Variants in ZNF385C observed in about 807,000 individuals in gnomAD.
ZNF385C encodes the protein zinc finger protein 385C.
Under a neutral mutation model 35.4 loss-of-function variants are expected in ZNF385C, and 28 were observed. The observed-to-expected ratio is 0.79, with a 90% CI of 0.59 to 1.08. ZNF385C has a LOEUF of 1.08. ZNF385C is among the 50% of genes least tolerant of loss of function. The pLI is 0.00. For synonymous variants in ZNF385C, 248 were observed against 248.2 expected (o/e 1.00, Z 0.01); for missense variants, 605 against 595.6 (o/e 1.02, Z -0.16).
chr17:42,049,368 C>T (rs1555656903), intron 2 of ZNF385C, among the ~76,000 whole-genome samples: 1 of 152,042 alleles, frequency 6.6e-6, no homozygotes, highest in Non-Finnish European at 1.5e-5. Context: ...TCTCTCCACC[C>T]CCCTTCTCAT....
At chr17:42,069,276 T>C (rs1555658620) in intron 1 of ZNF385C, among the ~76,000 whole-genome samples, 1 of 147,816 alleles carries the variant, frequency 6.8e-6, no homozygotes, top group African/African-American at 2.5e-5. Flanking sequence ...GGGGGGTGGG[T>C]TGGGGGGAGC....
intron 1 of ZNF385C, among the ~76,000 whole-genome samples, chr17:42,071,156 C>G (rs2053618886): frequency 6.6e-6 from 1 of 151,506 alleles, no homozygotes; most frequent in Non-Finnish European, 1.5e-5. Flanking sequence ...AACAGCTGCT[C>G]CAGGTGCCAG....
chr17:42,068,596 C>T (rs1449103852), intron 1 of ZNF385C, among the ~76,000 whole-genome samples: 6 of 152,172 alleles, frequency 3.9e-5, no homozygotes, highest in African/African-American at 7.2e-5. Flanking sequence ...ATCAAGTGAA[C>T]CTCCTGCCCC....
chr17:42,028,890 A>G lies in ZNF385C; in HGVS notation c.860T>C (p.Val287Ala), dbSNP rs782163809. The change falls in exon 6 of 9, where the codon GTG becomes GCG. Residue 287 changes from valine to alanine, a missense_variant. Physicochemically the swap from Val to Ala is moderately conservative, Grantham distance 64. Transcript: ENST00000692273. The part of the protein sequence containing the change: ...APGPEPAAAA[V>A]GSSMSGEGRS... ...GCCTTCCCCACTCATGCTGCTTCCC[A>G]CGGCAGCTGCCGCTGGCTCAGGCCC... The G allele has an allele frequency of 5.3e-5, 82 of 1,550,380 alleles. No individual in the cohort carries two copies. Among genetic ancestry groups the G allele is most frequent in the Non-Finnish European group, 7.1e-5 (81 of 1,146,990 alleles).
At chr17:42,087,480 CTGCT>C (rs1598206176) in intron 1 of ZNF385C, among the ~76,000 whole-genome samples, 1 of 152,240 alleles carries the variant, frequency 6.6e-6, no homozygotes, top group East Asian at 1.9e-4. Context: ...TTGCTCATTT[CTGCT>C]TACCAGGATA....
chr17:42,031,165 A>T (rs2052719867), intron 5 of ZNF385C, among the ~76,000 whole-genome samples: 1 of 152,028 alleles, frequency 6.6e-6, no homozygotes, highest in African/African-American at 2.4e-5. Context: ...CAGCCTCCTG[A>T]GTAGCTGGGA....
intron 1 of ZNF385C, among the ~76,000 whole-genome samples, chr17:42,090,349 C>G (rs1259459306): frequency 7.3e-6 from 1 of 136,852 alleles, no homozygotes; most frequent in Non-Finnish European, 1.5e-5. Flanking sequence ...TGCAATTGCG[C>G]GATCTCGGCT....
intron 2 of ZNF385C, among the ~76,000 whole-genome samples, chr17:42,041,645 C>T (rs530517760): frequency 3.3e-5 from 5 of 152,236 alleles, no homozygotes; most frequent in South Asian, 2.1e-4. Context: ...TGGGGGTCTC[C>T]CTCCACTGTC....
chr17:42,088,551 T>C (rs1338878560), intron 1 of ZNF385C, among the ~76,000 whole-genome samples: 1 of 152,228 alleles, frequency 6.6e-6, no homozygotes, highest in Admixed American at 6.5e-5. Flanking sequence ...CCCAGGGCCA[T>C]TCCCATCCCT....
At chr17:42,065,108 T>G (rs1198655831) in intron 1 of ZNF385C, 1 of 152,192 alleles carries the variant, frequency 6.6e-6, no homozygotes, top group Admixed American at 6.5e-5. Flanking sequence ...CACCTCAGCC[T>G]CCCAAAGCGC....
At chr17:42,065,475 A>T (rs776648422) in intron 1 of ZNF385C, 1 of 152,246 alleles carries the variant, frequency 6.6e-6, no homozygotes, top group African/African-American at 2.4e-5. Context: ...TACATCCAAC[A>T]GTGGAGCCCG....
intron 2 of ZNF385C, among the ~76,000 whole-genome samples, chr17:42,054,479 C>T (rs1483633956): frequency 2.0e-5 from 3 of 152,136 alleles, no homozygotes; most frequent in Non-Finnish European, 4.4e-5. Flanking sequence ...GAGCAGGGAT[C>T]CAGGTGTCTT....
rs562101129 is a variant in ZNF385C at position 42,027,184 on chromosome 17, C to T, written c.1276-51G>A. ...ACAGTCTCCACCCCAGAAAACCCCA[C>T]CCCCTCCCTGGGGCCCATCCTCAAG... On this transcript the variant is annotated intron_variant, in intron 8 of 8. Transcript: ENST00000692273. 70 of 1,547,142 alleles carry T rather than the reference C, an allele frequency of 4.5e-5. 1 individual carries two copies. The South Asian group carries it at 7.6e-4, about 17-fold the overall frequency.
At chr17:42,041,120 C>G (rs1430500117) in intron 2 of ZNF385C, 4 of 1,232,164 alleles carry the variant, frequency 3.2e-6, no homozygotes, top group Non-Finnish European at 3.0e-6. Context: ...TCGTCCAACA[C>G]CAGCCCCACA....
intron 1 of ZNF385C, among the ~76,000 whole-genome samples, chr17:42,084,181 G>GA (rs201699529): frequency 0.011 from 1,534 of 141,158 alleles, 23 homozygotes; most frequent in African/African-American, 0.031. Flanking sequence ...CCTCATATCT[G>GA]AAAAAAAAAA....
At chr17:42,035,024 G>A (rs1555655299) in intron 3 of ZNF385C, among the ~76,000 whole-genome samples, 1 of 145,836 alleles carries the variant, frequency 6.9e-6, no homozygotes, top group African/African-American at 2.5e-5. Context: ...TCAGGAGGCT[G>A]AGGCAGGAGG....
intron 1 of ZNF385C, among the ~76,000 whole-genome samples, chr17:42,064,102 ACACACACACACACAC>A: frequency 6.6e-6 from 1 of 151,318 alleles, no homozygotes; most frequent in Non-Finnish European, 1.5e-5. Context: ...ACACACACAC[ACACACACACACACAC>A]ACTTTCTGTC....
At chr17:42,089,482 C>T (rs2143949510) in intron 1 of ZNF385C, among the ~76,000 whole-genome samples, 1 of 152,234 alleles carries the variant, frequency 6.6e-6, no homozygotes, top group African/African-American at 2.4e-5. Flanking sequence ...CCAGTCCACC[C>T]CTTCCACCTG....
intron 1 of ZNF385C, chr17:42,065,284 G>A (rs2053531174): frequency 6.6e-6 from 1 of 152,246 alleles, no homozygotes; most frequent in Non-Finnish European, 1.5e-5. Context: ...TGGACTTCTA[G>A]CCTCCAGAAC....
Sources: gnomAD v4.1 joint callset for allele counts (sites outside exome capture counted in the v4.1 genomes callset) on GRCh38, gnomAD v4.1.1 for gene constraint, MANE v1.5 for transcripts, NCBI Gene and HGNC (gene_info 2026-07-23, HGNC 2026-07-21) for gene names.